Variants in PTPRG observed in about 807,000 individuals in gnomAD.
PTPRG encodes receptor-type tyrosine-protein phosphatase gamma.
A neutral mutation model predicts 165.3 loss-of-function variants in PTPRG; 102 were observed. The ratio of observed to expected loss-of-function variants is 0.62; its 90% confidence interval spans 0.53 to 0.73. PTPRG has a LOEUF of 0.73. Ranked by LOEUF, PTPRG falls within the 30% of genes least tolerant of loss-of-function variation. The pLI is 0.00. For missense variants in PTPRG, 1,866 were observed against 1,861.4 expected (o/e 1.00, Z -0.05); for synonymous variants, 675 against 669.5 (o/e 1.01, Z -0.13).
At chr3:62,183,018 G>A (rs1012022392) in intron 8 of PTPRG, among the ~76,000 whole-genome samples, 9 of 152,240 alleles carry the variant, frequency 5.9e-5, no homozygotes, top group African/African-American at 1.9e-4. Context: ...TGCATTTCAT[G>A]CATTTATCCC....
chr3:61,657,239 A>G (rs1702531962), intron 1 of PTPRG, among the ~76,000 whole-genome samples: 1 of 152,106 alleles, frequency 6.6e-6, no homozygotes, highest in Non-Finnish European at 1.5e-5. Flanking sequence ...AGAAATAAGG[A>G]CGTTCCTTTC....
At chr3:62,189,841 A>G (rs565268150) in intron 8 of PTPRG, among the ~76,000 whole-genome samples, 3 of 152,068 alleles carry the variant, frequency 2.0e-5, no homozygotes, top group African/African-American at 7.2e-5. Flanking sequence ...CCAGAGTTCA[A>G]ATCTGGCCCC....
At chr3:61,599,591 C>G (rs1362114041) in intron 1 of PTPRG, among the ~76,000 whole-genome samples, 1 of 151,996 alleles carries the variant, frequency 6.6e-6, no homozygotes, top group Non-Finnish European at 1.5e-5. Flanking sequence ...TTCCTGGGCT[C>G]AAGTGGTCCT....
intron 2 of PTPRG, among the ~76,000 whole-genome samples, chr3:61,918,766 T>C (rs1325366842): frequency 3.3e-5 from 5 of 152,186 alleles, no homozygotes; most frequent in Admixed American, 3.3e-4. Context: ...TCACTGAATA[T>C]GGCAGGGATT....
chr3:61,785,091 A>G (rs144063668), intron 2 of PTPRG, among the ~76,000 whole-genome samples: 233 of 152,338 alleles, frequency 1.5e-3, no homozygotes, highest in African/African-American at 5.4e-3. Context: ...CAGAAATGCT[A>G]CAGAAATTTC....
chr3:61,562,126 GCTTCCCGGATTCCAA>G lies in PTPRG; in HGVS notation c.-161_-147del. 1.7e-6 allele frequency: 1 copy of G among 598,034 alleles called. No individual in the cohort carries two copies. The highest frequency in any genetic ancestry group is 3.0e-6 in the Non-Finnish European group (1 of 337,786). 37.0% of individuals were successfully genotyped at this position (598,034 alleles called of 1,614,324 possible). A position where few individuals can be genotyped will look rare whatever the true frequency, so the allele number is the denominator to read the frequency against. On this transcript the variant is annotated 5_prime_UTR_variant, in exon 1 of 30. Coordinates refer to ENST00000474889, the MANE Select transcript of PTPRG (RefSeq NM_002841.4). ...GAGATTTTCCGGGGGGCGCTCGGCG[GCTTCCCGGATTCCAA>G]GGGGACTCGGGCCGCCGAGCGCGGG...
At chr3:61,768,230 A>C (rs1452726237) in intron 2 of PTPRG, among the ~76,000 whole-genome samples, 8 of 152,234 alleles carry the variant, frequency 5.3e-5, no homozygotes, top group Non-Finnish European at 2.9e-5. Context: ...TCGTGAACTT[A>C]TATCTCTGTA....
chr3:61,705,249 A>G lies in PTPRG; in HGVS notation c.86-43629A>G, dbSNP rs146855508. Reference sequence around the variant, plus strand: ...ATGCCTGCGCTGGGTGTGAGGAACAAGTGGAAATTACAGTTCTGAAAAGGC... The same window carrying G: ...ATGCCTGCGCTGGGTGTGAGGAACAGGTGGAAATTACAGTTCTGAAAAGGC... On this transcript the variant is annotated intron_variant, in intron 1 of 29. Coordinates refer to ENST00000474889, the MANE Select transcript of PTPRG (RefSeq NM_002841.4). 3.9e-3 allele frequency among the ~76,000 whole-genome samples: 600 copies of G among 152,298 alleles called. 6 individuals are homozygous for G. The highest frequency in any genetic ancestry group is 0.014 in the African/African-American group (572 of 41,564).
At chr3:61,782,987 T>A (rs1364415083) in intron 2 of PTPRG, among the ~76,000 whole-genome samples, 3 of 151,966 alleles carry the variant, frequency 2.0e-5, no homozygotes, top group Non-Finnish European at 4.4e-5. Flanking sequence ...AAATTTTTTT[T>A]AAGAGATGGG....
chr3:61,860,985 G>A (rs367747362), intron 2 of PTPRG, among the ~76,000 whole-genome samples: 1 of 151,680 alleles, frequency 6.6e-6, no homozygotes, highest in Non-Finnish European at 1.5e-5. Context: ...TCCCCAACCC[G>A]GGCAACCACT....
In PTPRG at chr3:62,276,973, T is replaced by G; in HGVS notation, c.3561T>G (p.Ser1187=). 6.2e-7 allele frequency: 1 copy of G among 1,612,746 alleles called. No homozygotes were observed. The highest frequency in any genetic ancestry group is 1.7e-5 in the Admixed American group (1 of 59,918). ...GTTTTTGTTTTTTCCATATGATAGC[T>G]GAGCGTGCTCGAGTGGGTCTTGCAC... ...EKNRNSSVVP[S]ERARVGLAPL... is the part of the protein sequence containing the mutation. The change falls in exon 25 of 30, where the codon TCT becomes TCG. Residue 1187 remains serine, a splice_region_variant and synonymous_variant. Coordinates refer to ENST00000474889, the MANE Select transcript of PTPRG (RefSeq NM_002841.4).
At chr3:61,704,449 A>G (rs2031143289) in intron 1 of PTPRG, among the ~76,000 whole-genome samples, 1 of 152,028 alleles carries the variant, frequency 6.6e-6, no homozygotes, top group Non-Finnish European at 1.5e-5. Flanking sequence ...CTGTTGGATG[A>G]CCCTCTTCTT....
At position 62,294,252 on chromosome 3, in the gene PTPRG, T is replaced by G. The variant is rs1002708289; in HGVS notation, c.*945T>G. 3.3e-5 allele frequency: 5 copies of G among 152,126 alleles called. No individual in the cohort carries two copies. Among genetic ancestry groups the G allele is most frequent in the Non-Finnish European group, 5.9e-5 (4 of 67,986 alleles). 9.4% of individuals were successfully genotyped at this position (152,126 alleles called of 1,614,324 possible). ...AATTTTGAAACTAGTCCTCTAAAAA[T>G]TCCCTATTACTCCTATAGCAATCTA... On this transcript the variant is annotated 3_prime_UTR_variant, in exon 30 of 30. Coordinates refer to ENST00000474889, the MANE Select transcript of PTPRG (RefSeq NM_002841.4).
chr3:61,881,688 T>G (rs1434458970), intron 2 of PTPRG, among the ~76,000 whole-genome samples: 4 of 152,192 alleles, frequency 2.6e-5, no homozygotes, highest in African/African-American at 9.7e-5. Context: ...TTACACAACT[T>G]CCTTCCTCTC....
intron 1 of PTPRG, among the ~76,000 whole-genome samples, chr3:61,574,792 TG>T: frequency 6.6e-6 from 1 of 151,886 alleles, no homozygotes. Context: ...CATAACATGG[TG>T]GAGAAGGTGG....
intron 6 of PTPRG, among the ~76,000 whole-genome samples, chr3:62,148,926 C>A: frequency 6.6e-6 from 1 of 152,178 alleles, no homozygotes; most frequent in Non-Finnish European, 1.5e-5. Flanking sequence ...CCATGTCACA[C>A]ACAGTGCAGT....
At chr3:61,693,728 G>T (rs533414594) in intron 1 of PTPRG, among the ~76,000 whole-genome samples, 1 of 152,136 alleles carries the variant, frequency 6.6e-6, no homozygotes, top group Admixed American at 6.5e-5. Flanking sequence ...GCTTTAGGCC[G>T]GGTGCAGCGG....
At chr3:62,248,132 C>CA (rs1472476393) in intron 15 of PTPRG, among the ~76,000 whole-genome samples, 1 of 152,042 alleles carries the variant, frequency 6.6e-6, no homozygotes, top group Non-Finnish European at 1.5e-5. Flanking sequence ...AGAAAAAACT[C>CA]AAAATGCAAG....
intron 1 of PTPRG, among the ~76,000 whole-genome samples, chr3:61,660,695 T>C (rs1044046870): frequency 3.3e-5 from 5 of 152,008 alleles, no homozygotes; most frequent in African/African-American, 1.2e-4. Flanking sequence ...ACAATGATAA[T>C]GATGATTGGA....
Sources: allele counts gnomAD v4.1 joint callset (sites outside exome capture counted in the v4.1 genomes callset), GRCh38; gene constraint gnomAD v4.1.1; transcripts MANE v1.5; gene names NCBI Gene and HGNC (gene_info 2026-07-23, HGNC 2026-07-21).